The following SUMF1 variants were observed in gnomAD, a reference collection of about 807,000 sequenced individuals.
SUMF1 encodes the protein sulfatase modifying factor 1, also known as formylglycine-generating enzyme.
Under a neutral mutation model 47.6 loss-of-function variants are expected in SUMF1, and 48 were observed. The observed-to-expected ratio is 1.01, with a 90% CI of 0.80 to 1.28. The LOEUF is 1.28. Ranked by LOEUF, SUMF1 falls within the 50% of genes most tolerant of loss-of-function variation. The pLI is 0.00. For missense variants in SUMF1, 571 were observed against 485.4 expected (o/e 1.18, Z -1.66); for synonymous variants, 230 against 192.1 (o/e 1.20, Z -1.63).
At chr3:4,101,785 G>A (rs1029596964) in intron 8 of SUMF1, among the ~76,000 whole-genome samples, 1 of 151,964 alleles carries the variant, frequency 6.6e-6, no homozygotes, top group Admixed American at 6.6e-5. Context: ...GAAAATGTGA[G>A]TTTTATTAAA....
At chr3:4,317,175 G>T (rs114846657) in intron 8 of SUMF1, 8 of 1,549,922 alleles carry the variant, frequency 5.2e-6, no homozygotes, top group Non-Finnish European at 7.0e-6. Context: ...GGATTTTTAC[G>T]CTACAGGAAT....
chr3:4,124,627 C>T (rs1168328161), intron 8 of SUMF1, among the ~76,000 whole-genome samples: 1 of 151,526 alleles, frequency 6.6e-6, no homozygotes, highest in East Asian at 1.9e-4. Flanking sequence ...CTCTGAAATT[C>T]AGGGCCCTAA....
intron 8 of SUMF1, among the ~76,000 whole-genome samples, chr3:4,352,802 A>G (rs1699532109): frequency 6.6e-6 from 1 of 151,872 alleles, no homozygotes; most frequent in Non-Finnish European, 1.5e-5. Context: ...GGGGCCAGGG[A>G]AGCAAATTCA....
chr3:4,448,754 C>T (rs999055648), intron 3 of SUMF1, among the ~76,000 whole-genome samples: 1 of 152,060 alleles, frequency 6.6e-6, no homozygotes, highest in Non-Finnish European at 1.5e-5. Context: ...TGGGAGGGTA[C>T]ACCCCTGCAT....
chr3:4,375,020 A>T (rs2124835455), intron 8 of SUMF1, among the ~76,000 whole-genome samples: 1 of 151,264 alleles, frequency 6.6e-6, no homozygotes, highest in Middle Eastern at 3.4e-3. Context: ...AAAATTAGCC[A>T]AGTTACTTAG....
At chr3:4,243,813 C>G (rs1290627763) in intron 8 of SUMF1, among the ~76,000 whole-genome samples, 4 of 152,064 alleles carry the variant, frequency 2.6e-5, no homozygotes, top group Non-Finnish European at 4.4e-5. Flanking sequence ...TCCTGGGTAG[C>G]CTTGTTAATT....
chr3:4,318,224 A>G (rs1698737115), intron 8 of SUMF1, among the ~76,000 whole-genome samples: 1 of 152,224 alleles, frequency 6.6e-6, no homozygotes, highest in African/African-American at 2.4e-5. Flanking sequence ...AATGAAATCC[A>G]GCAAGATATC....
intron 6 of SUMF1, among the ~76,000 whole-genome samples, chr3:4,412,831 G>T (rs1323971163): frequency 6.6e-6 from 1 of 152,150 alleles, no homozygotes; most frequent in Non-Finnish European, 1.5e-5. Context: ...AGAGGTTGCA[G>T]TGAGCCAAGA....
At position 4,449,256 on chromosome 3, in the gene SUMF1, C is replaced by T. The variant is rs1300350199; in HGVS notation, c.519+10G>A. The T allele has an allele frequency of 6.2e-7, 1 of 1,614,148 alleles. No individual in the cohort carries two copies. The highest frequency in any genetic ancestry group is 1.3e-5 in the African/African-American group (1 of 75,044). On this transcript the variant is annotated intron_variant, in intron 3 of 8. Transcript: ENST00000272902. ...AGAGAAATACAGGAGCCTGTTGAAA[C>T]ATTACTTACTGCCTGTTGAATATTG...
chr3:4,259,297 TAAAC>T (rs981497979), intron 8 of SUMF1, among the ~76,000 whole-genome samples: 2 of 152,074 alleles, frequency 1.3e-5, no homozygotes, highest in African/African-American at 4.8e-5. Flanking sequence ...AAAATGGAAA[TAAAC>T]AGTTTCTTTT....
chr3:4,256,059 GAAACC>G (rs1466992907), intron 8 of SUMF1, among the ~76,000 whole-genome samples: 4 of 150,332 alleles, frequency 2.7e-5, no homozygotes, highest in African/African-American at 9.9e-5. Context: ...GATGTTCTTT[GAAACC>G]AATGAGAACA....
At chr3:4,064,547 T>C (rs957768952) in intron 9 of SUMF1, among the ~76,000 whole-genome samples, 1 of 152,168 alleles carries the variant, frequency 6.6e-6, no homozygotes, top group Non-Finnish European at 1.5e-5. Flanking sequence ...AGGCATTCTT[T>C]TGTTTCTTTA....
chr3:4,304,370 A>C (rs1382377984), intron 8 of SUMF1, among the ~76,000 whole-genome samples: 1 of 151,830 alleles, frequency 6.6e-6, no homozygotes, highest in Non-Finnish European at 1.5e-5. Context: ...TCGAACTCCC[A>C]ACCTCAGGTG....
At chr3:4,439,303 C>T (rs1354567332) in intron 3 of SUMF1, among the ~76,000 whole-genome samples, 1 of 151,598 alleles carries the variant, frequency 6.6e-6, no homozygotes. Flanking sequence ...GCAGGCGGAT[C>T]GCTTGAACTC....
At chr3:4,222,084 A>G (rs1476364137) in intron 8 of SUMF1, among the ~76,000 whole-genome samples, 1 of 152,132 alleles carries the variant, frequency 6.6e-6, no homozygotes, top group Non-Finnish European at 1.5e-5. Flanking sequence ...CAAATATATA[A>G]TAAGATTTCA....
chr3:4,385,840 G>C (rs1700653967), intron 7 of SUMF1, among the ~76,000 whole-genome samples: 6 of 152,138 alleles, frequency 3.9e-5, no homozygotes, highest in Admixed American at 3.3e-4. Flanking sequence ...TTCATTTTCT[G>C]CCCACGGATG....
intron 8 of SUMF1, among the ~76,000 whole-genome samples, chr3:4,180,382 A>T (rs941332027): frequency 6.6e-6 from 1 of 152,176 alleles, no homozygotes; most frequent in African/African-American, 2.4e-5. Context: ...GGATGAGTTC[A>T]TGTCCTTTGC....
intron 8 of SUMF1, among the ~76,000 whole-genome samples, chr3:4,312,145 A>T (rs750463830): frequency 3.6e-4 from 55 of 152,236 alleles, no homozygotes; most frequent in Non-Finnish European, 7.3e-4. Context: ...TATTTAAGAA[A>T]TAGCATTTTT....
At chr3:4,235,695 T>C (rs954607138) in intron 8 of SUMF1, among the ~76,000 whole-genome samples, 3 of 152,080 alleles carry the variant, frequency 2.0e-5, no homozygotes, top group African/African-American at 4.8e-5. Context: ...GAGAACCTCA[T>C]GCCCTCATAT....
Sources: allele counts gnomAD v4.1 joint callset (sites outside exome capture counted in the v4.1 genomes callset), GRCh38; gene constraint gnomAD v4.1.1; transcripts MANE v1.5; gene names NCBI Gene and HGNC (gene_info 2026-07-23, HGNC 2026-07-21).